The following ARK2C variants were observed in gnomAD, a reference collection of about 807,000 sequenced individuals.
The protein encoded by ARK2C is arkadia (RNF111) C-terminal like ring finger ubiquitin ligase 2C, also known as E3 ubiquitin-protein ligase ARK2C.
At chr18:46,334,260 G>T in the ARK2C span, 1 of 1,482,630 alleles carries the variant, frequency 6.7e-7, no homozygotes, top group South Asian at 1.3e-5. This position sits in a 1 kb window ranked among gnomAD's most constrained non-coding sequence, Gnocchi z 4.4. Flanking sequence ...CGCCGCCGCC[G>T]CGCGAGGAGC....
At chr18:46,349,331 G>A in the ARK2C span, among the ~76,000 whole-genome samples, 1 of 152,098 alleles carries the variant, frequency 6.6e-6, no homozygotes, top group East Asian at 1.9e-4. Context: ...CTGTTTTTTT[G>A]CTGTAACCTT....
At chr18:46,357,935 G>A in the ARK2C span, among the ~76,000 whole-genome samples, 617 of 152,260 alleles carry the variant, frequency 4.1e-3, 8 homozygotes, top group African/African-American at 0.014. Flanking sequence ...CAGTCCTTGG[G>A]GCTCCCTGGC....
chr18:46,434,973 G>A, the ARK2C span, among the ~76,000 whole-genome samples: 1 of 152,176 alleles, frequency 6.6e-6, no homozygotes, highest in African/African-American at 2.4e-5. Flanking sequence ...CAAGGACAGA[G>A]GGAAGAAAGG....
the ARK2C span, among the ~76,000 whole-genome samples, chr18:46,445,210 C>CT: frequency 6.6e-6 from 1 of 152,124 alleles, no homozygotes; most frequent in Non-Finnish European, 1.5e-5. Context: ...GTAAGGAGCA[C>CT]TTGCAGTTCA....
At chr18:46,456,684 C>T in the ARK2C span, 7 of 1,338,510 alleles carry the variant, frequency 5.2e-6, no homozygotes, top group Non-Finnish European at 7.5e-6. Context: ...CAGGTCCCCC[C>T]ACGGCCATAG....
the ARK2C span, among the ~76,000 whole-genome samples, chr18:46,396,557 T>G: frequency 6.6e-6 from 1 of 152,284 alleles, no homozygotes; most frequent in Admixed American, 6.5e-5. Flanking sequence ...AGTTGGTAAA[T>G]GTGAAATTAT....
At chr18:46,386,919 G>T in the ARK2C span, 1 of 152,288 alleles carries the variant, frequency 6.6e-6, no homozygotes, top group Non-Finnish European at 1.5e-5. Context: ...GTGTTTGGGT[G>T]GCGGAGGAGC....
chr18:46,364,217 G>A, the ARK2C span, among the ~76,000 whole-genome samples: 1 of 151,744 alleles, frequency 6.6e-6, no homozygotes, highest in Non-Finnish European at 1.5e-5. Context: ...CAAAGTGCTG[G>A]GATTATAGCC....
the ARK2C span, among the ~76,000 whole-genome samples, chr18:46,440,075 G>A: frequency 1.3e-5 from 2 of 152,184 alleles, no homozygotes; most frequent in South Asian, 2.1e-4. Context: ...TGATATACCC[G>A]CCTCGGACTC....
chr18:46,384,709 G>A, the ARK2C span, among the ~76,000 whole-genome samples: 1 of 152,112 alleles, frequency 6.6e-6, no homozygotes, highest in African/African-American at 2.4e-5. Flanking sequence ...CTGCACTCTT[G>A]CATGAATTAG....
chr18:46,378,823 G>T, the ARK2C span, among the ~76,000 whole-genome samples: 1 of 152,194 alleles, frequency 6.6e-6, no homozygotes, highest in African/African-American at 2.4e-5. Context: ...ATGGTGGGGA[G>T]CTGCACAACG....
the ARK2C span, chr18:46,334,806 T>A: frequency 1.2e-5 from 2 of 171,562 alleles, no homozygotes; most frequent in Non-Finnish European, 2.2e-5. This position sits in a 1 kb window ranked among gnomAD's most constrained non-coding sequence, Gnocchi z 4.4. Context: ...GTTATGTGTG[T>A]TTTGTATTCA....
the ARK2C span, among the ~76,000 whole-genome samples, chr18:46,441,215 A>G: frequency 6.6e-6 from 1 of 151,910 alleles, no homozygotes. Flanking sequence ...CTGATCCTCT[A>G]CTTCTGTGCT....
At chr18:46,404,621 C>T in the ARK2C span, among the ~76,000 whole-genome samples, 4 of 151,936 alleles carry the variant, frequency 2.6e-5, no homozygotes, top group African/African-American at 9.7e-5. Flanking sequence ...GGCATGGTGG[C>T]GGGAGCCTGT....
the ARK2C span, among the ~76,000 whole-genome samples, chr18:46,392,059 C>A: frequency 6.6e-6 from 1 of 151,708 alleles, no homozygotes. Flanking sequence ...ACACACACAC[C>A]ACACACAATA....
At chr18:46,405,430 C>T in the ARK2C span, among the ~76,000 whole-genome samples, 2 of 152,144 alleles carry the variant, frequency 1.3e-5, no homozygotes, top group African/African-American at 2.4e-5. Context: ...CAGTGAGGTG[C>T]TACAGCAGTG....
chr18:46,422,038 A>G, the ARK2C span, among the ~76,000 whole-genome samples: 1 of 152,182 alleles, frequency 6.6e-6, no homozygotes, highest in Non-Finnish European at 1.5e-5. Context: ...TAAGCCAAGC[A>G]ATAGGCCTCT....
the ARK2C span, among the ~76,000 whole-genome samples, chr18:46,419,765 G>C: frequency 6.6e-6 from 1 of 152,336 alleles, no homozygotes; most frequent in Admixed American, 6.5e-5. Flanking sequence ...GGCCTCTGCT[G>C]CTTGTTAGGC....
At chr18:46,411,997 T>G in the ARK2C span, among the ~76,000 whole-genome samples, 1 of 152,172 alleles carries the variant, frequency 6.6e-6, no homozygotes, top group Non-Finnish European at 1.5e-5. Flanking sequence ...AGCAGAGTAA[T>G]TGGATCTGAC....
Sources: allele counts gnomAD v4.1 joint callset (sites outside exome capture counted in the v4.1 genomes callset), GRCh38; gene constraint gnomAD v4.1.1; non-coding constraint Gnocchi (gnomAD v3.1); transcripts MANE v1.5; gene names NCBI Gene and HGNC (gene_info 2026-07-23, HGNC 2026-07-21).